The following GRIK2 variants were observed in gnomAD, a reference collection of about 807,000 sequenced individuals.
GRIK2 encodes the protein glutamate ionotropic receptor kainate type subunit 2.
Under a neutral mutation model 100.3 loss-of-function variants are expected in GRIK2, and 32 were observed. The ratio of observed to expected loss-of-function variants is 0.32; its 90% CI spans 0.24 to 0.43. The LOEUF (loss-of-function observed/expected upper bound fraction) is 0.43. Among genes scored for constraint, GRIK2 ranks in the 20% least tolerant of loss-of-function variants. The pLI is 1.00. For missense variants in GRIK2, 843 were observed against 1,114.9 expected, an observed-to-expected ratio of 0.76 and a Z score of 3.47; for synonymous variants, 417 against 389.4, an observed-to-expected ratio of 1.07 and a Z score of -0.83.
intron 15 of GRIK2, among the ~76,000 whole-genome samples, chr6:102,044,890 T>C (rs1418138613): frequency 6.6e-6 from 1 of 152,020 alleles, no homozygotes; most frequent in Non-Finnish European, 1.5e-5. Context: ...TTACACACTT[T>C]TCCTAGGCTG....
chr6:102,053,742 GGACA>G (rs1191902994), intron 15 of GRIK2, among the ~76,000 whole-genome samples: 16 of 152,176 alleles, frequency 1.1e-4, no homozygotes, highest in Middle Eastern at 6.8e-3. Flanking sequence ...TGGACTGATT[GGACA>G]GACAGACAGA....
chr6:101,964,082 T>C (rs192958149), intron 14 of GRIK2, among the ~76,000 whole-genome samples: 4 of 151,604 alleles, frequency 2.6e-5, no homozygotes, highest in African/African-American at 7.2e-5. Context: ...TACATATAAT[T>C]TGCTGTATAT....
At chr6:101,577,717 A>T (rs1039651792) in intron 2 of GRIK2, among the ~76,000 whole-genome samples, 6 of 152,174 alleles carry the variant, frequency 3.9e-5, no homozygotes, top group African/African-American at 1.4e-4. Flanking sequence ...CCTTGAGAAG[A>T]TGATAAAGTA....
intron 2 of GRIK2, among the ~76,000 whole-genome samples, chr6:101,516,792 A>G (rs1003628743): frequency 6.6e-6 from 1 of 152,148 alleles, no homozygotes; most frequent in African/African-American, 2.4e-5. Context: ...GCAAGTATAT[A>G]AAAACTGAAT....
intron 2 of GRIK2, among the ~76,000 whole-genome samples, chr6:101,485,360 G>A (rs1052632715): frequency 6.6e-6 from 1 of 152,022 alleles, no homozygotes; most frequent in African/African-American, 2.4e-5. Flanking sequence ...CTTTTGCATT[G>A]CATTATAATT....
intron 2 of GRIK2, among the ~76,000 whole-genome samples, 168 bp from the exon 3 acceptor site, chr6:101,621,781 T>C (rs180782368): frequency 6.6e-6 from 1 of 152,212 alleles, no homozygotes; most frequent in African/African-American, 2.4e-5. Flanking sequence ...ACACACCCCA[T>C]GTACTTAAAT....
chr6:101,646,535 C>T (rs754740912), intron 4 of GRIK2, among the ~76,000 whole-genome samples: 1 of 151,716 alleles, frequency 6.6e-6, no homozygotes, highest in Non-Finnish European at 1.5e-5. Flanking sequence ...ACTTTAAGTA[C>T]ATATATTTTA....
chr6:101,965,545 GTAATGTTTATTTTTGTAATAATT>G (rs1382241986), intron 14 of GRIK2, among the ~76,000 whole-genome samples: 1 of 151,860 alleles, frequency 6.6e-6, no homozygotes, highest in Non-Finnish European at 1.5e-5. Context: ...AATAAAAAAA[GTAATGTTTATTTTTGTAATAATT>G]TATGTAAGAT....
intron 12 of GRIK2, among the ~76,000 whole-genome samples, chr6:101,902,267 A>C (rs1787899551): frequency 6.6e-6 from 1 of 151,988 alleles, no homozygotes. Context: ...AATATGTAAT[A>C]TGTTCAAGAG....
intron 11 of GRIK2, among the ~76,000 whole-genome samples, chr6:101,867,670 TTAAG>T (rs1324691357): frequency 5.3e-5 from 8 of 151,696 alleles, no homozygotes; most frequent in African/African-American, 1.9e-4. Flanking sequence ...AAAAGGTATG[TTAAG>T]TGTTTAATTT....
At chr6:101,400,673 G>A (rs929419961) in intron 2 of GRIK2, among the ~76,000 whole-genome samples, 1 of 152,150 alleles carries the variant, frequency 6.6e-6, no homozygotes, top group Non-Finnish European at 1.5e-5. Flanking sequence ...CCATGTGTGT[G>A]TTTTATCCCC....
At chr6:101,987,356 A>G (rs1794072850) in intron 14 of GRIK2, among the ~76,000 whole-genome samples, 1 of 151,822 alleles carries the variant, frequency 6.6e-6, no homozygotes, top group Admixed American at 6.6e-5. Context: ...AACGAAAACA[A>G]AGAAGTAGTA....
intron 10 of GRIK2, among the ~76,000 whole-genome samples, chr6:101,841,993 G>T (rs1240015280): frequency 6.6e-6 from 1 of 151,978 alleles, no homozygotes; most frequent in Non-Finnish European, 1.5e-5. Flanking sequence ...ATTTACTTTA[G>T]GTAAGTTGCC....
chr6:102,014,637 T>C (rs1795735849), intron 14 of GRIK2, among the ~76,000 whole-genome samples: 1 of 152,192 alleles, frequency 6.6e-6, no homozygotes, highest in Non-Finnish European at 1.5e-5. Flanking sequence ...TGTTATATCT[T>C]TGTTCTCATT....
At chr6:101,700,758 A>G (rs1357765343) in intron 7 of GRIK2, among the ~76,000 whole-genome samples, 1 of 152,126 alleles carries the variant, frequency 6.6e-6, no homozygotes. Flanking sequence ...CCAGGAAGGC[A>G]TATCTGGTGG....
chr6:102,039,832 GAAGGGTCTCATTA>G (rs1770473296), intron 15 of GRIK2, among the ~76,000 whole-genome samples: 1 of 151,496 alleles, frequency 6.6e-6, no homozygotes, highest in South Asian at 2.1e-4. Flanking sequence ...TCAAATGACT[GAAGGGTCTCATTA>G]AGATGATTTC....
chr6:101,911,282 A>G lies in GRIK2; in HGVS notation c.1749-13319A>G, dbSNP rs143776934. 4.8e-3 allele frequency among the ~76,000 whole-genome samples: 729 copies of G among 151,676 alleles called. 7 individuals carry two copies. Among genetic ancestry groups the G allele is most frequent in the African/African-American group, 0.017 (708 of 41,488 alleles). On this transcript the variant is annotated intron_variant, in intron 12 of 16. Coordinates refer to ENST00000369134, the MANE Select transcript of GRIK2 (RefSeq NM_021956.5). ...TCCCCAGCAATATGAGGTGCCTGTC[A>G]CAATTACAAAACTGTTTGCCTCATT...
chr6:101,616,047 T>C (rs1779878483), intron 2 of GRIK2, among the ~76,000 whole-genome samples: 1 of 151,828 alleles, frequency 6.6e-6, no homozygotes, highest in Non-Finnish European at 1.5e-5. Flanking sequence ...AGGCTTAGCC[T>C]ATTTGCCATG....
chr6:101,749,281 G>A (rs1776632597), intron 7 of GRIK2, among the ~76,000 whole-genome samples: 1 of 151,944 alleles, frequency 6.6e-6, no homozygotes, highest in Non-Finnish European at 1.5e-5. Flanking sequence ...GATAATTTTT[G>A]TATTTTTAAT....
Sources: gnomAD v4.1 joint callset for allele counts (sites outside exome capture counted in the v4.1 genomes callset) on GRCh38, gnomAD v4.1.1 for gene constraint, MANE v1.5 for transcripts, NCBI Gene and HGNC (gene_info 2026-07-23, HGNC 2026-07-21) for gene names.